PCDHB12: variants seen among roughly 807,000 people sequenced by gnomAD.
PCDHB12 encodes protocadherin beta 12.
For synonymous variants in PCDHB12, 560 were observed against 445.2 expected (o/e 1.26, Z -3.24); for missense variants, 1,192 against 998.2 (o/e 1.19, Z -2.62).
Position 141,209,004 on chromosome 5 carries a change from T to A in PCDHB12, c.97T>A (p.Phe33Ile). The A allele has an allele frequency of 6.2e-7, 1 of 1,605,750 alleles. No individual in the cohort carries two copies. Among genetic ancestry groups the A allele is most frequent in the Non-Finnish European group, 8.5e-7 (1 of 1,176,788 alleles). The change falls in exon 1 of 1, where the codon TTT becomes ATT. Residue 33 changes from phenylalanine (F) to isoleucine (I), a missense_variant. Transcript: ENST00000239450. ...TCAGGCGGGCTCTGAAACTGGGAAC[T>A]TTTTGGTGATGGAGGAATTGCAGAG... ...MSQAGSETGN[F>I]LVMEELQSGS...
rs1224588538 is a variant in PCDHB12 at position 141,210,108 on chromosome 5, T to C, written c.1201T>C (p.Tyr401His). Residue 401 changes from tyrosine (Y) to histidine (H), a missense_variant, in exon 1 of 1, where the codon TAC becomes CAC. By Grantham distance (83) the Tyr-to-His change is moderately conservative. Coordinates refer to ENST00000239450, the MANE Select transcript of PCDHB12 (RefSeq NM_018932.4). ...GCTAAAATCTTCGGTAAATAATTAC[T>C]ACACTTTGGAAACAGAGAGACCGCT... The part of the protein sequence containing the change: ...FVLKSSVNNY[Y>H]TLETERPLDR... 1.9e-6 allele frequency: 3 copies of C among 1,614,034 alleles called. No homozygotes were observed. Among genetic ancestry groups the C allele is most frequent in the African/African-American group, 1.3e-5 (1 of 74,908 alleles).
chr5:141,210,234 G>T lies in PCDHB12; in HGVS notation c.1327G>T (p.Asp443Tyr). Residue 443 changes from aspartate to tyrosine, a missense_variant, in exon 1 of 1, where the codon GAC becomes TAC. Transcript: ENST00000239450. ...GCACAACATAACCGTGCTGGTCTCC[G>T]ACGTCAATGACAACGCCCCCGCCTT... ...TEHNITVLVS[D>Y]VNDNAPAFTQ... 6.2e-7 allele frequency: 1 copy of T among 1,614,122 alleles called. No individual in the cohort carries two copies. Among genetic ancestry groups the T allele is most frequent in the Non-Finnish European group, 8.5e-7 (1 of 1,180,034 alleles).
rs1554286654 is a variant in PCDHB12 at position 141,209,404 on chromosome 5, C to T, written c.497C>T (p.Ala166Val). ...SAKDLDVGIN[A>V]VKSYTINPNS... ...AAGGATTTAGATGTAGGAATCAATG[C>T]TGTAAAAAGCTACACAATAAATCCG... The change falls in exon 1 of 1, where the codon GCT (alanine) becomes GTT (valine). Residue 166 changes from alanine (A) to valine (V), a missense_variant. Ala to Val is a moderately conservative substitution (Grantham distance 64). Transcript: ENST00000239450. 8.7e-6 allele frequency: 14 copies of T among 1,614,176 alleles called. No homozygotes were observed. Among genetic ancestry groups the T allele is most frequent in the Admixed American group, 1.7e-5 (1 of 60,028 alleles).
chr5:141,210,207 G>T lies in PCDHB12; in HGVS notation c.1300G>T (p.Glu434Ter). 1 of 1,614,118 alleles carries T rather than the reference G, an allele frequency of 6.2e-7. No homozygotes were observed. Among genetic ancestry groups the T allele is most frequent in the Non-Finnish European group, 8.5e-7 (1 of 1,180,038 alleles). Residue 434 changes from glutamate (E) to a stop codon, truncating the protein, a stop_gained, in exon 1 of 1, where the codon GAG becomes TAG. Transcript: ENST00000239450. LOFTEE classifies it low-confidence loss of function (END_TRUNC). ...TDLGTPRLKT[E>*]HNITVLVSDV... ...CTTGGGGACCCCCAGGCTAAAAACC[G>T]AGCACAACATAACCGTGCTGGTCTC...
Position 141,209,890 on chromosome 5 carries a change from T to C in PCDHB12, c.983T>C (p.Phe328Ser). 6.2e-7 allele frequency: 1 copy of C among 1,614,222 alleles called. No individual in the cohort carries two copies. ...CAAGCCACAGATGGGGGAGGACTTT[T>C]TGGAAAATCTACAGTCAGAATTCAG... ...IIQATDGGGL[F>S]GKSTVRIQVM... is the part of the protein sequence containing the mutation. The change falls in exon 1 of 1, where the codon TTT becomes TCT. Residue 328 changes from phenylalanine to serine, a missense_variant. Phe to Ser is a radical substitution (Grantham distance 155). Coordinates refer to ENST00000239450, the MANE Select transcript of PCDHB12 (RefSeq NM_018932.4).
rs1415216154 is a variant in PCDHB12 at position 141,210,076 on chromosome 5, C to T, written c.1169C>T (p.Pro390Leu). Residue 390 changes from proline (P) to leucine (L), a missense_variant, in exon 1 of 1, where the codon CCA (proline) becomes CTA (leucine). Transcript: ENST00000239450. Reference protein sequence around the residue: ...KMVCSIPEDIPFVLKSSVNNY... With the variant: ...KMVCSIPEDILFVLKSSVNNY... The stretch of plus-strand genomic sequence containing the variant: ...GTTTGTTCTATCCCGGAGGACATCC[C>T]ATTCGTGCTAAAATCTTCGGTAAAT... 8.1e-6 allele frequency: 13 copies of T among 1,614,196 alleles called. No individual in the cohort carries two copies. The highest frequency in any genetic ancestry group is 1.1e-5 in the Non-Finnish European group (13 of 1,180,044).
rs1754458676 is a variant in PCDHB12 at position 141,211,365 on chromosome 5, T to C, written c.*70T>C. 1 of 1,414,590 alleles carries C rather than the reference T, an allele frequency of 7.1e-7. No individual in the cohort carries two copies. 87.6% of individuals were successfully genotyped at this position (1,414,590 alleles called of 1,614,324 possible). A position where few individuals can be genotyped will look rare whatever the true frequency, so the allele number is the denominator to read the frequency against. ...TTAGGAACTTATCGTGAGGTGCCTG[T>C]AAAGTAGTATTTTTGATCACTTCAA... On this transcript the variant is annotated 3_prime_UTR_variant, in exon 1 of 1. Transcript: ENST00000239450.
chr5:141,210,171 A>G lies in PCDHB12; in HGVS notation c.1264A>G (p.Thr422Ala). 6.2e-7 allele frequency: 1 copy of G among 1,614,118 alleles called. No homozygotes were observed. The highest frequency in any genetic ancestry group is 8.5e-7 in the Non-Finnish European group (1 of 1,179,992). Residue 422 changes from threonine (T) to alanine (A), a missense_variant, in exon 1 of 1, where the codon ACC becomes GCC. Transcript: ENST00000239450. Reference protein sequence around the residue: ...ESRAEYNITITVTDLGTPRLK... With the variant: ...ESRAEYNITIAVTDLGTPRLK... ...CAGAGCCGAGTACAACATCACCATCACCGTCACCGACTTGGGGACCCCCAG... is the reference window on the plus strand; with the variant it reads ...CAGAGCCGAGTACAACATCACCATCGCCGTCACCGACTTGGGGACCCCCAG...
chr5:141,209,489 A>C lies in PCDHB12; in HGVS notation c.582A>C (p.Leu194Phe). Residue 194 changes from leucine (L) to phenylalanine (F), a missense_variant, in exon 1 of 1, where the codon TTA (leucine) becomes TTC (phenylalanine). Physicochemically the swap from Leu to Phe is conservative, Grantham distance 22. Transcript: ENST00000239450. ...VNPDNRKYPE[L>F]VLDKALDYEE... is the part of the protein sequence containing the mutation. ...CAGACAATAGGAAATACCCTGAGTT[A>C]GTTCTGGACAAGGCGCTGGATTATG... 1 of 1,614,218 alleles carries C rather than the reference A, an allele frequency of 6.2e-7. No homozygotes were observed. Among genetic ancestry groups the C allele is most frequent in the African/African-American group, 1.3e-5 (1 of 75,054 alleles).
rs782333768 is a variant in PCDHB12, at chr5:141,210,298, A to T, written c.1391A>T (p.Asn464Ile). 6.2e-7 allele frequency: 1 copy of T among 1,613,672 alleles called. No homozygotes were observed. Among genetic ancestry groups the T allele is most frequent in the East Asian group, 2.2e-5 (1 of 44,878 alleles). ...TSYALFVREN[N>I]SPALHIGSIS... ...TACGCCCTGTTCGTCCGCGAGAACA[A>T]CAGCCCCGCCCTGCACATCGGCAGC... The change falls in exon 1 of 1, where the codon AAC becomes ATC. Residue 464 changes from asparagine (N) to isoleucine (I), a missense_variant. Coordinates refer to ENST00000239450, the MANE Select transcript of PCDHB12 (RefSeq NM_018932.4).
Position 141,209,219 on chromosome 5 carries a change from G to T in PCDHB12, c.312G>T (p.Leu104=), listed in dbSNP as rs781870598. 1 of 1,614,076 alleles carries T rather than the reference G, an allele frequency of 6.2e-7. No homozygotes were observed. Among genetic ancestry groups the T allele is most frequent in the African/African-American group, 1.3e-5 (1 of 74,914 alleles). The part of the protein sequence containing the change: ...ELCGSNEPCV[L]YFQVLMKNPT... Reference sequence around the variant, plus strand: ...GTGGCTCCAATGAGCCTTGTGTGCTGTATTTCCAAGTGTTAATGAAAAACC... The same window carrying T: ...GTGGCTCCAATGAGCCTTGTGTGCTTTATTTCCAAGTGTTAATGAAAAACC... The change falls in exon 1 of 1, where the codon CTG becomes CTT. Residue 104 remains leucine, a synonymous_variant. Transcript: ENST00000239450.
In PCDHB12 at chr5:141,211,412, A is replaced by T; in HGVS notation, c.*117A>T. 1 of 1,074,554 alleles carries T rather than the reference A, an allele frequency of 9.3e-7. No homozygotes were observed. 66.6% of individuals were successfully genotyped at this position (1,074,554 alleles called of 1,614,324 possible). A position where few individuals can be genotyped will look rare whatever the true frequency, so the allele number is the denominator to read the frequency against. Reference sequence around the variant, plus strand: ...TCAAATACATACTCTTCAAGTCAAGAAATAAATTTCTTTACATAGAAAAGG... The same window carrying T: ...TCAAATACATACTCTTCAAGTCAAGTAATAAATTTCTTTACATAGAAAAGG... On this transcript the variant is annotated 3_prime_UTR_variant, in exon 1 of 1. Transcript: ENST00000239450.
At position 141,209,192 on chromosome 5, in the gene PCDHB12, C is replaced by T. The variant is rs781833623; in HGVS notation, c.285C>T (p.Leu95=). The change falls in exon 1 of 1, where the codon CTC becomes CTT. Residue 95 remains leucine, a synonymous_variant. Transcript: ENST00000239450. The part of the protein sequence containing the change: ...LLREMLDREE[L]CGSNEPCVLY... Reference sequence around the variant, plus strand: ...GAGAAATGCTAGACAGGGAGGAGCTCTGTGGCTCCAATGAGCCTTGTGTGC... The same window carrying T: ...GAGAAATGCTAGACAGGGAGGAGCTTTGTGGCTCCAATGAGCCTTGTGTGC... 27 of 1,614,136 alleles carry T rather than the reference C, an allele frequency of 1.7e-5. No homozygotes were observed. Among genetic ancestry groups the T allele is most frequent in the Non-Finnish European group, 2.2e-5 (26 of 1,180,026 alleles).
chr5:141,210,343 A>C lies in PCDHB12; in HGVS notation c.1436A>C (p.Asp479Ala). 1 of 1,613,062 alleles carries C rather than the reference A, an allele frequency of 6.2e-7. No individual in the cohort carries two copies. The highest frequency in any genetic ancestry group is 8.5e-7 in the Non-Finnish European group (1 of 1,180,024). ...GGCAGCATCAGCGCCACAGACAGAGACTCGGGCACCAACGCCCAGGTCAAC... is the reference window on the plus strand; with the variant it reads ...GGCAGCATCAGCGCCACAGACAGAGCCTCGGGCACCAACGCCCAGGTCAAC... ...HIGSISATDR[D>A]SGTNAQVNYS... The change falls in exon 1 of 1, where the codon GAC becomes GCC. Residue 479 changes from aspartate to alanine, a missense_variant. Asp to Ala is a moderately radical substitution (Grantham distance 126). Transcript: ENST00000239450.
In PCDHB12 at chr5:141,208,741, G is replaced by A. The variant is rs1251535102; in HGVS notation, c.-167G>A. Reference sequence around the variant, plus strand: ...TCCAGTACACGCGGAGAACTGGGAAGACAGAAAGAACAATCCTTTAAGGGA... The same window carrying A: ...TCCAGTACACGCGGAGAACTGGGAAAACAGAAAGAACAATCCTTTAAGGGA... On this transcript the variant is annotated 5_prime_UTR_variant, in exon 1 of 1. Coordinates refer to ENST00000239450, the MANE Select transcript of PCDHB12 (RefSeq NM_018932.4). 1.9e-6 allele frequency: 1 copy of A among 519,198 alleles called. No individual in the cohort carries two copies. Among genetic ancestry groups the A allele is most frequent in the African/African-American group, 2.0e-5 (1 of 50,670 alleles). The allele number at this position is 519,198 out of a possible 1,614,324, so 32.2% of individuals were successfully genotyped here.
In PCDHB12 at chr5:141,210,043, G is replaced by C. The variant is rs782470780; in HGVS notation, c.1136G>C (p.Gly379Ala). The C allele has an allele frequency of 4.5e-5, 72 of 1,614,054 alleles. No individual in the cohort carries two copies. In the Admixed American group the frequency reaches 1.2e-3, roughly 27 times the overall value. Reference protein sequence around the residue: ...RIRDRDSGDNGKMVCSIPEDI... With the variant: ...RIRDRDSGDNAKMVCSIPEDI... ...CGAGACAGAGACTCTGGGGACAACG[G>C]AAAGATGGTTTGTTCTATCCCGGAG... The change falls in exon 1 of 1, where the codon GGA becomes GCA. Residue 379 changes from glycine to alanine, a missense_variant. Transcript: ENST00000239450.
chr5:141,210,941 G>A lies in PCDHB12; in HGVS notation c.2034G>A (p.Pro678=), dbSNP rs1554287090. 3.1e-6 allele frequency: 5 copies of A among 1,611,360 alleles called. No individual in the cohort carries two copies. The highest frequency in any genetic ancestry group is 2.2e-5 in the East Asian group (1 of 44,850). The change falls in exon 1 of 1, where the codon CCG becomes CCA. Residue 678 remains proline (P), a synonymous_variant. Coordinates refer to ENST00000239450, the MANE Select transcript of PCDHB12 (RefSeq NM_018932.4). Reference sequence around the variant, plus strand: ...ACCTGCCTCTCCCGGAGGCGGCCCCGGCCCAGGCCCAGGCCGACTCGCTCA... The same window carrying A: ...ACCTGCCTCTCCCGGAGGCGGCCCCAGCCCAGGCCCAGGCCGACTCGCTCA... ...QPYLPLPEAA[P]AQAQADSLTV...
rs782429642 is a variant in PCDHB12, at chr5:141,210,715, C to T, written c.1808C>T (p.Ser603Leu). The T allele has an allele frequency of 1.2e-6, 2 of 1,608,996 alleles. No individual in the cohort carries two copies. The highest frequency in any genetic ancestry group is 1.7e-6 in the Non-Finnish European group (2 of 1,179,572). Reference sequence around the variant, plus strand: ...GACTCGGGCCAGAACGCCTGGCTGTCGTACCAGCTGCTCAAGGCCACGGAG... The same window carrying T: ...GACTCGGGCCAGAACGCCTGGCTGTTGTACCAGCTGCTCAAGGCCACGGAG... The part of the protein sequence containing the change: ...DGDSGQNAWL[S>L]YQLLKATEPG... Residue 603 changes from serine (S) to leucine (L), a missense_variant, in exon 1 of 1, where the codon TCG becomes TTG. Physicochemically the swap from Ser to Leu is moderately radical, Grantham distance 145. Coordinates refer to ENST00000239450, the MANE Select transcript of PCDHB12 (RefSeq NM_018932.4).
In PCDHB12 at chr5:141,208,745, G is replaced by T; in HGVS notation, c.-163G>T. On this transcript the variant is annotated 5_prime_UTR_variant, in exon 1 of 1. Coordinates refer to ENST00000239450, the MANE Select transcript of PCDHB12 (RefSeq NM_018932.4). Reference sequence around the variant, plus strand: ...GTACACGCGGAGAACTGGGAAGACAGAAAGAACAATCCTTTAAGGGAGAAC... The same window carrying T: ...GTACACGCGGAGAACTGGGAAGACATAAAGAACAATCCTTTAAGGGAGAAC... 1 of 528,920 alleles carries T rather than the reference G, an allele frequency of 1.9e-6. No individual in the cohort carries two copies. 32.8% of individuals were successfully genotyped at this position (528,920 alleles called of 1,614,324 possible).
Sources: allele counts gnomAD v4.1 joint callset, GRCh38; gene constraint gnomAD v4.1.1; transcripts MANE v1.5; gene names NCBI Gene and HGNC (gene_info 2026-07-23, HGNC 2026-07-21).